The following TRPM3 variants were observed in gnomAD, a reference collection of about 807,000 sequenced individuals.
TRPM3 encodes long transient receptor potential channel 3.
In TRPM3, 77 loss-of-function variants were observed where a neutral mutation model predicts 181.2. The observed-to-expected ratio is 0.42, with a 90% confidence interval of 0.35 to 0.51. TRPM3 has a LOEUF of 0.51. Ranked by LOEUF, TRPM3 falls within the 20% of genes least tolerant of loss-of-function variation. The pLI, the probability that TRPM3 is intolerant of heterozygous loss-of-function variation, is 0.01. For synonymous variants in TRPM3, 745 were observed against 796.4 expected (o/e 0.94, Z 1.09); for missense variants, 1,759 against 2,196.7 (o/e 0.80, Z 3.98).
intron 1 of TRPM3, among the ~76,000 whole-genome samples, chr9:71,225,582 G>A (rs139367746): frequency 2.6e-5 from 4 of 152,224 alleles, no homozygotes; most frequent in African/African-American, 7.2e-5. Context: ...ACACAGAATA[G>A]TGTAACTCTA....
intron 1 of TRPM3, among the ~76,000 whole-genome samples, chr9:71,178,167 GT>G (rs765638924): frequency 2.6e-5 from 4 of 151,914 alleles, no homozygotes; most frequent in East Asian, 1.9e-4. Context: ...AGGTATCACT[GT>G]TTTTTTATCA....
intron 8 of TRPM3, among the ~76,000 whole-genome samples, chr9:70,694,599 G>A (rs527898082): frequency 6.6e-6 from 1 of 152,210 alleles, no homozygotes; most frequent in Admixed American, 6.5e-5. Flanking sequence ...TCCTGCCTCA[G>A]CCTCCCGAGT....
chr9:71,056,250 A>G (rs1304169928), intron 1 of TRPM3, among the ~76,000 whole-genome samples: 3 of 152,086 alleles, frequency 2.0e-5, no homozygotes, highest in Non-Finnish European at 4.4e-5. Flanking sequence ...CTGTGAATGG[A>G]AATTAACACA....
At chr9:71,286,706 G>A (rs994433157) in intron 1 of TRPM3, among the ~76,000 whole-genome samples, 3 of 151,830 alleles carry the variant, frequency 2.0e-5, no homozygotes, top group Non-Finnish European at 2.9e-5. Flanking sequence ...TAAAAATCAC[G>A]TATTAAATAA....
At chr9:71,418,814 T>TAC in intron 1 of TRPM3, among the ~76,000 whole-genome samples, 1 of 6,488 alleles carries the variant, frequency 1.5e-4, no homozygotes, top group Non-Finnish European at 1.1e-3. Context: ...ATATATATAC[T>TAC]ATATATATAT....
At chr9:71,053,684 T>G (rs956854416) in intron 1 of TRPM3, among the ~76,000 whole-genome samples, 1 of 152,150 alleles carries the variant, frequency 6.6e-6, no homozygotes, top group Admixed American at 6.5e-5. Context: ...CCTGGTGACA[T>G]GGACTTGGCA....
At chr9:70,741,143 G>A (rs999376006) in intron 8 of TRPM3, among the ~76,000 whole-genome samples, 1 of 152,016 alleles carries the variant, frequency 6.6e-6, no homozygotes, top group African/African-American at 2.4e-5. Flanking sequence ...TCAAAAAGTG[G>A]ACTATGGACA....
chr9:71,140,715 T>TA (rs2075048609), intron 1 of TRPM3, among the ~76,000 whole-genome samples: 1 of 152,214 alleles, frequency 6.6e-6, no homozygotes, highest in South Asian at 2.1e-4. Context: ...GGTACTGAGA[T>TA]AAGTAGCAAG....
At chr9:70,609,978 G>A (rs960176026) in intron 19 of TRPM3, among the ~76,000 whole-genome samples, 1 of 152,062 alleles carries the variant, frequency 6.6e-6, no homozygotes. Context: ...CATATCAGGA[G>A]GTCGTCATTT....
chr9:71,209,327 T>C (rs1340648737), intron 1 of TRPM3, among the ~76,000 whole-genome samples: 1 of 116,688 alleles, frequency 8.6e-6, no homozygotes, highest in African/African-American at 3.3e-5. Context: ...GAGCTTTACA[T>C]GAAAAATGGA....
chr9:71,421,509 T>C (rs2093773721), intron 1 of TRPM3, among the ~76,000 whole-genome samples: 1 of 151,988 alleles, frequency 6.6e-6, no homozygotes, highest in Non-Finnish European at 1.5e-5. Flanking sequence ...TAGACCCTTA[T>C]CAGCCTGCAG....
chr9:70,864,631 A>T, intron 1 of TRPM3, 120 bp from the exon 2 acceptor site: 2 of 521,490 alleles, frequency 3.8e-6, no homozygotes, highest in Non-Finnish European at 6.2e-6. Context: ...TATATCACAA[A>T]TTGAACTGAA....
At chr9:71,386,751 A>G (rs550048952) in intron 1 of TRPM3, among the ~76,000 whole-genome samples, 1 of 152,324 alleles carries the variant, frequency 6.6e-6, no homozygotes, top group South Asian at 2.1e-4. Flanking sequence ...AAGGGCTCAA[A>G]ACATTAATTT....
chr9:70,832,019 T>C (rs2093967317), intron 5 of TRPM3, among the ~76,000 whole-genome samples: 1 of 106,738 alleles, frequency 9.4e-6, no homozygotes, highest in Non-Finnish European at 1.9e-5. Flanking sequence ...CCCACACACA[T>C]TTTTTCAAAA....
intron 1 of TRPM3, among the ~76,000 whole-genome samples, chr9:70,943,165 G>A (rs1248491683): frequency 6.6e-6 from 1 of 152,150 alleles, no homozygotes; most frequent in Non-Finnish European, 1.5e-5. Flanking sequence ...TGGGCTTAAT[G>A]GATTAGGTGA....
At chr9:71,213,159 C>G (rs1056965209) in intron 1 of TRPM3, among the ~76,000 whole-genome samples, 1 of 152,156 alleles carries the variant, frequency 6.6e-6, no homozygotes, top group Non-Finnish European at 1.5e-5. Context: ...TATGGCACTG[C>G]AGCAGAATGC....
intron 1 of TRPM3, among the ~76,000 whole-genome samples, chr9:71,148,576 C>G (rs560929850): frequency 6.6e-6 from 1 of 152,092 alleles, no homozygotes; most frequent in Admixed American, 6.6e-5. Context: ...AAGACTGACA[C>G]CTGGAAAATC....
At chr9:71,079,357 C>A (rs908816533) in intron 1 of TRPM3, among the ~76,000 whole-genome samples, 1 of 152,130 alleles carries the variant, frequency 6.6e-6, no homozygotes, top group African/African-American at 2.4e-5. Context: ...GCTGTTCCCT[C>A]AGGATGGCTT....
intron 1 of TRPM3, among the ~76,000 whole-genome samples, chr9:71,271,831 C>G (rs1275986599): frequency 6.6e-6 from 1 of 152,172 alleles, no homozygotes; most frequent in South Asian, 2.1e-4. Context: ...AAGCTGTCTT[C>G]TTGAATCAAA....
Sources: allele counts gnomAD v4.1 joint callset (sites outside exome capture counted in the v4.1 genomes callset), GRCh38; gene constraint gnomAD v4.1.1; transcripts MANE v1.5; gene names NCBI Gene and HGNC (gene_info 2026-07-23, HGNC 2026-07-21).